TAP2: variants seen among roughly 807,000 people sequenced by gnomAD.
TAP2 encodes transporter 2, ATP binding cassette subfamily B member.
TAP2 carries 49 observed loss-of-function variants against 74.7 expected under a neutral mutation model. The ratio of observed to expected loss-of-function variants is 0.66; its 90% CI spans 0.52 to 0.83. The LOEUF (loss-of-function observed/expected upper bound fraction) is 0.83. Ranked by LOEUF, TAP2 falls within the 40% of genes least tolerant of loss-of-function variation. TAP2 has a pLI of 0.00. For synonymous variants in TAP2, 306 were observed against 368.4 expected, an observed-to-expected ratio of 0.83 and a Z score of 1.94; for missense variants, 739 against 859.0, an observed-to-expected ratio of 0.86 and a Z score of 1.75.
In TAP2 at chr6:32,829,522, C is replaced by G; in HGVS notation, c.1810G>C (p.Gly604Arg). ...TTCTGTCCCGCAGCCAGCTGGCTTCCCTTCTCCCCTACATCTGAGGAAATC... is the reference window on the plus strand; with the variant it reads ...TTCTGTCCCGCAGCCAGCTGGCTTCGCTTCTCCCCTACATCTGAGGAAATC... ...HGIYTDVGEK[G>R]SQLAAGQKQR... is the part of the protein sequence containing the mutation. The change falls in exon 11 of 12, where the codon GGA (glycine) becomes CGA (arginine). Residue 604 changes from glycine (G) to arginine (R), a missense_variant. Gly to Arg is a moderately radical substitution (Grantham distance 125). Coordinates refer to ENST00000374897, the MANE Select transcript of TAP2 (RefSeq NM_001290043.2). 1 of 1,614,174 alleles carries G rather than the reference C, an allele frequency of 6.2e-7. No homozygotes were observed. The highest frequency in any genetic ancestry group is 2.2e-5 in the East Asian group (1 of 44,878).
At position 32,838,102 on chromosome 6, in the gene TAP2, C is replaced by T. The variant is rs1769555469; in HGVS notation, c.132G>A (p.Leu44=). The part of the protein sequence containing the change: ...GLPGLWLEGT[L]RLGGLWGLLK... The stretch of plus-strand genomic sequence containing the variant: ...GCAGCCCCCACAGCCCTCCCAGCCG[C>T]AGGGTCCCCTCCAGCCATAGTCCTG... Residue 44 remains leucine, a synonymous_variant, in exon 2 of 12, where the codon CTG becomes CTA. Coordinates refer to ENST00000374897, the MANE Select transcript of TAP2 (RefSeq NM_001290043.2). 2 of 1,611,928 alleles carry T rather than the reference C, an allele frequency of 1.2e-6. No homozygotes were observed. The highest frequency in any genetic ancestry group is 1.3e-5 in the African/African-American group (1 of 74,790).
At chr6:32,830,954 C>T (rs1015166) in intron 7 of TAP2, 148 bp from the exon 8 acceptor site, 244,852 of 823,902 alleles carry the variant, frequency 0.3, 39,571 homozygotes, top group Non-Finnish European at 0.32. Flanking sequence ...ACAATTTGGA[C>T]GGAATTTAAA....
chr6:32,837,006 G>A (rs566994924), intron 3 of TAP2, among the ~76,000 whole-genome samples: 1 of 152,204 alleles, frequency 6.6e-6, no homozygotes, highest in Non-Finnish European at 1.5e-5. Context: ...TTGTTTGTTT[G>A]AGTATGTCTA....
rs117452705 is a variant in TAP2, at chr6:32,831,823, A to G, written c.1272+510T>C. Among the ~76,000 whole-genome samples the G allele has an allele frequency of 2.4e-4, 37 of 152,340 alleles. 1 individual carries two copies. The East Asian group carries it at 6.9e-3, about 29-fold the overall frequency. On this transcript the variant is annotated intron_variant, in intron 7 of 11. Transcript: ENST00000374897. Reference sequence around the variant, plus strand: ...TGTATCAACCAGTCACAATATGTGGACCATTTCTGGATCCTGATTTAAGCA... The same window carrying G: ...TGTATCAACCAGTCACAATATGTGGGCCATTTCTGGATCCTGATTTAAGCA...
chr6:32,835,590 C>T lies in TAP2; in HGVS notation c.739+53G>A. 1 of 1,612,424 alleles carries T rather than the reference C, an allele frequency of 6.2e-7. No individual in the cohort carries two copies. Among genetic ancestry groups the T allele is most frequent in the Non-Finnish European group, 8.5e-7 (1 of 1,179,548 alleles). ...AGGAGAGGCTGTGGGTGGAAGGTCA[C>T]TGAGGGGCAAGGGATGTCCATGGGA... On this transcript the variant is annotated intron_variant, in intron 4 of 11. Transcript: ENST00000374897. The surrounding 1 kb of genome is among the most constrained non-coding windows in gnomAD (Gnocchi z 4.0).
At chr6:32,822,418 G>T, downstream of TAP2, 1 of 757,860 alleles carries the variant, frequency 1.3e-6, no homozygotes. Context: ...TTTTGTGTCA[G>T]TATAATAAGT....
In TAP2 at chr6:32,835,227, C is replaced by T. The variant is rs769546391; in HGVS notation, c.872G>A (p.Arg291Gln). 6.2e-6 allele frequency: 10 copies of T among 1,612,880 alleles called. No homozygotes were observed. The highest frequency in any genetic ancestry group is 5.0e-5 in the Admixed American group (3 of 59,998). The change falls in exon 5 of 12, where the codon CGA becomes CAA. Residue 291 changes from arginine (R) to glutamine (Q), a missense_variant. By Grantham distance (43) the Arg-to-Gln change is conservative (BLOSUM62 1). Coordinates refer to ENST00000374897, the MANE Select transcript of TAP2 (RefSeq NM_001290043.2). The surrounding 1 kb of genome is among the most constrained non-coding windows in gnomAD (Gnocchi z 4.0). ...GTGCAGCAGAGAAAGGAGGGTGAGT[C>T]GAGGCGATATGCTGAGCATGAAGCC... ...LYGFMLSISP[R>Q]LTLLSLLHMP...
downstream of TAP2, among the ~76,000 whole-genome samples, chr6:32,823,594 T>G (rs58415233): frequency 0.066 from 10,054 of 152,126 alleles, 652 homozygotes; most frequent in African/African-American, 0.17. Context: ...AGTGGCTTTA[T>G]GTTAGGTGTC....
At position 32,837,603 on chromosome 6, in the gene TAP2, C is replaced by T; in HGVS notation, c.542G>A (p.Gly181Glu). 6.2e-7 allele frequency: 1 copy of T among 1,614,036 alleles called. No homozygotes were observed. The highest frequency in any genetic ancestry group is 8.5e-7 in the Non-Finnish European group (1 of 1,179,994). Residue 181 changes from glycine (G) to glutamate (E), a missense_variant, in exon 3 of 12, where the codon GGA becomes GAA. Transcript: ENST00000374897. Reference sequence around the variant, plus strand: ...AAAGGCATGGGGGTCAAAATCACCTCCCAGGATGTCAATCACACGACCAGA... The same window carrying T: ...AAAGGCATGGGGGTCAAAATCACCTTCCAGGATGTCAATCACACGACCAGA... Reference protein sequence around the residue: ...HYSGRVIDILGGDFDPHAFAS... With the variant: ...HYSGRVIDILEGDFDPHAFAS...
chr6:32,833,104 G>C (rs1408444279), intron 5 of TAP2, among the ~76,000 whole-genome samples: 1 of 152,180 alleles, frequency 6.6e-6, no homozygotes, highest in Non-Finnish European at 1.5e-5. Context: ...CAGGAAAGAA[G>C]GGTAGTTTTC....
intron 3 of TAP2, among the ~76,000 whole-genome samples, chr6:32,836,126 C>A (rs77163707): frequency 6.6e-6 from 1 of 152,200 alleles, no homozygotes; most frequent in African/African-American, 2.4e-5. Context: ...TCTGTCCCAG[C>A]GTCCCTCAGG....
At chr6:32,824,932 T>C (rs1768537154), downstream of TAP2, among the ~76,000 whole-genome samples, 1 of 152,058 alleles carries the variant, frequency 6.6e-6, no homozygotes, top group Admixed American at 6.5e-5. Context: ...ATTCTGATTT[T>C]CCAATATTTT....
chr6:32,830,236 C>T (rs751356412), intron 9 of TAP2, 31 bp downstream of exon 9: 4 of 1,612,938 alleles, frequency 2.5e-6, no homozygotes, highest in Middle Eastern at 1.6e-4. Context: ...GCTCCCCTCT[C>T]CTGTCCCCTG....
Position 32,832,321 on chromosome 6 carries a change from C to A in TAP2, c.1272+12G>T. 6.2e-7 allele frequency: 1 copy of A among 1,612,988 alleles called. No individual in the cohort carries two copies. Among genetic ancestry groups the A allele is most frequent in the Non-Finnish European group, 8.5e-7 (1 of 1,180,020 alleles). On this transcript the variant is annotated intron_variant, in intron 7 of 11. Transcript: ENST00000374897. This position sits in a 1 kb window ranked among gnomAD's most constrained non-coding sequence, Gnocchi z 5.9. ...AGGGAAAAAAGGAGAGCAGGCTTGG[C>A]TTCTCGCTCACCTGCACATAGCTCC...
rs764798188 is a variant in TAP2 at position 32,829,050 on chromosome 6, C to T, written c.1933-16G>A. 4 of 1,540,264 alleles carry T rather than the reference C, an allele frequency of 2.6e-6. No individual in the cohort carries two copies. The highest frequency in any genetic ancestry group is 1.4e-5 in the African/African-American group (1 of 72,966). On this transcript the variant is annotated splice_polypyrimidine_tract_variant and intron_variant, in intron 11 of 11. Transcript: ENST00000374897. ...AGTCCTGCAGCTGAAGGGGTGATCA[C>T]AGTGCCTCAGAAAGACAGGAATGAG... is the stretch of plus-strand genomic sequence containing the variant.
In TAP2 at chr6:32,828,119, A is replaced by G; in HGVS notation, c.*787T>C. The G allele has an allele frequency of 1.2e-6, 1 of 812,420 alleles. No individual in the cohort carries two copies. The highest frequency in any genetic ancestry group is 1.5e-6 in the Non-Finnish European group (1 of 672,946). 50.3% of individuals were successfully genotyped at this position (812,420 alleles called of 1,614,324 possible). A position where few individuals can be genotyped will look rare whatever the true frequency, so the allele number is the denominator to read the frequency against. ...CCACTACGACCACCTTGGGAAAGTC[A>G]TTGAGCCTCTTTGAGCTTCAGTTTC... On this transcript the variant is annotated 3_prime_UTR_variant, in exon 12 of 12. Transcript: ENST00000374897.
downstream of TAP2, chr6:32,822,279 C>G: frequency 6.5e-7 from 1 of 1,543,702 alleles, no homozygotes; most frequent in Non-Finnish European, 8.9e-7. Context: ...CAGGAAATAT[C>G]CATTGAAATT....
chr6:32,835,849 C>G lies in TAP2; in HGVS notation c.609-76G>C. 1 of 1,603,278 alleles carries G rather than the reference C, an allele frequency of 6.2e-7. No homozygotes were observed. The highest frequency in any genetic ancestry group is 8.5e-7 in the Non-Finnish European group (1 of 1,172,070). On this transcript the variant is annotated intron_variant, in intron 3 of 11. Coordinates refer to ENST00000374897, the MANE Select transcript of TAP2 (RefSeq NM_001290043.2). This position sits in a 1 kb window ranked among gnomAD's most constrained non-coding sequence, Gnocchi z 4.0. ...CAGCGGGTGAAACAGAGGAGCAAGC[C>G]AGGAGTGCAGAGAAGCGCAAAGTCA...
chr6:32,829,286 G>C lies in TAP2; in HGVS notation c.1932+114C>G, dbSNP rs980156744. On this transcript the variant is annotated intron_variant, in intron 11 of 11. Transcript: ENST00000374897. Reference sequence around the variant, plus strand: ...CATTCCCCAACCCCAAGAAGGCACAGACTGTTTCCACTAGTAGGTCCTTCG... The same window carrying C: ...CATTCCCCAACCCCAAGAAGGCACACACTGTTTCCACTAGTAGGTCCTTCG... 2.7e-6 allele frequency: 4 copies of C among 1,501,920 alleles called. No individual in the cohort carries two copies. The African/African-American group carries it at 4.2e-5, about 16-fold the overall frequency. The allele number at this position is 1,501,920 out of a possible 1,614,324, so 93.0% of individuals were successfully genotyped here.
Sources: allele counts gnomAD v4.1 joint callset (sites outside exome capture counted in the v4.1 genomes callset), GRCh38; gene constraint gnomAD v4.1.1; non-coding constraint Gnocchi (gnomAD v3.1); transcripts MANE v1.5; gene names NCBI Gene and HGNC (gene_info 2026-07-23, HGNC 2026-07-21).